WDR7: variants seen among roughly 807,000 people sequenced by gnomAD.
WDR7 encodes WD repeat-containing protein 7.
In WDR7, 46 loss-of-function variants were observed where a neutral mutation model predicts 169.4. The observed-to-expected ratio is 0.27, with a 90% CI of 0.21 to 0.35. The LOEUF is 0.35. Ranked by LOEUF, WDR7 falls within the 10% of genes least tolerant of loss-of-function variation. The pLI, the probability that WDR7 is intolerant of heterozygous loss-of-function variation, is 1.00. For synonymous variants in WDR7, 612 were observed against 666.8 expected (o/e 0.92, Z 1.27); for missense variants, 1,534 against 1,859.3 (o/e 0.83, Z 3.22).
At chr18:57,023,617 T>C (rs927584368) in intron 27 of WDR7, among the ~76,000 whole-genome samples, 1 of 152,258 alleles carries the variant, frequency 6.6e-6, no homozygotes, top group Admixed American at 6.5e-5. Context: ...AAGTTACACT[T>C]GAGTGAATTT....
chr18:56,767,621 T>G (rs1044247920), intron 16 of WDR7, among the ~76,000 whole-genome samples: 2 of 152,230 alleles, frequency 1.3e-5, no homozygotes, highest in African/African-American at 4.8e-5. Context: ...GCAAATCTGT[T>G]TCTTGTTACT....
chr18:56,729,338 T>C (rs1377566345), intron 13 of WDR7, among the ~76,000 whole-genome samples: 3 of 152,164 alleles, frequency 2.0e-5, no homozygotes, highest in Non-Finnish European at 2.9e-5. Flanking sequence ...TTGTAAAAAA[T>C]TGATATGTTA....
intron 23 of WDR7, chr18:56,936,142 T>C (rs572604816): frequency 2.3e-6 from 1 of 442,930 alleles, no homozygotes; most frequent in East Asian, 3.7e-5. Flanking sequence ...TTAATTCACT[T>C]ATAAATATTT....
chr18:56,935,894 A>G lies in WDR7; in HGVS notation c.3820A>G (p.Ile1274Val). 16 of 1,613,702 alleles carry G rather than the reference A, an allele frequency of 9.9e-6. No homozygotes were observed. The highest frequency in any genetic ancestry group is 1.3e-5 in the Non-Finnish European group (15 of 1,179,832). The change falls in exon 23 of 28, where the codon ATA (isoleucine) becomes GTA (valine). Residue 1274 changes from isoleucine (I) to valine (V), a missense_variant. By Grantham distance (29) the Ile-to-Val change is conservative. Transcript: ENST00000254442. ...CAGACCACCCGCCTTCATCACCACC[A>G]TAGCCAAAGAGGTGAGCGGAACTTC... ...TARPPAFITT[I>V]AKEVHRHTAL...
At chr18:57,014,102 G>T (rs1416685338) in intron 26 of WDR7, among the ~76,000 whole-genome samples, 1 of 152,076 alleles carries the variant, frequency 6.6e-6, no homozygotes, top group Non-Finnish European at 1.5e-5. Context: ...GAGGCAGGTG[G>T]ATCACTTGGG....
chr18:56,869,794 A>G (rs946921080), intron 20 of WDR7, among the ~76,000 whole-genome samples: 2 of 152,170 alleles, frequency 1.3e-5, no homozygotes, highest in Non-Finnish European at 1.5e-5. Context: ...ACCATGTACA[A>G]TTTTATTTTT....
chr18:56,992,013 C>T lies in WDR7; in HGVS notation c.4165-28732C>T, dbSNP rs187932656. On this transcript the variant is annotated intron_variant, in intron 26 of 27. Coordinates refer to ENST00000254442, the MANE Select transcript of WDR7 (RefSeq NM_015285.3). ...CATATTAATCAATTAAAATAGAAAA[C>T]GAGTCCTGCTCAGTGTAAAATAACC... Among the ~76,000 whole-genome samples, 92 of 152,246 alleles carry T rather than the reference C, an allele frequency of 6.0e-4. 3 individuals carry two copies. In the South Asian group the frequency reaches 0.012, roughly 20 times the overall value.
At chr18:56,696,784 A>G (rs1436057266) in intron 12 of WDR7, among the ~76,000 whole-genome samples, 2 of 152,206 alleles carry the variant, frequency 1.3e-5, no homozygotes, top group African/African-American at 2.4e-5. Flanking sequence ...TAATTTAAGT[A>G]TGCCTGAAGA....
intron 26 of WDR7, among the ~76,000 whole-genome samples, chr18:57,017,520 T>TGTGTGA (rs2048225553): frequency 7.1e-6 from 1 of 140,916 alleles, no homozygotes; most frequent in South Asian, 2.3e-4. Context: ...TGTGTGTGTG[T>TGTGTGA]GATGTTCTGA....
intron 20 of WDR7, among the ~76,000 whole-genome samples, chr18:56,837,777 C>G (rs1338620406): frequency 6.6e-6 from 1 of 152,136 alleles, no homozygotes; most frequent in Non-Finnish European, 1.5e-5. Flanking sequence ...TCTCCTGCCT[C>G]AGCCTCCCAA....
At chr18:56,907,735 G>C (rs2046498801) in intron 21 of WDR7, among the ~76,000 whole-genome samples, 1 of 152,152 alleles carries the variant, frequency 6.6e-6, no homozygotes, top group Non-Finnish European at 1.5e-5. Context: ...GTGAGGGCCT[G>C]TTCCTCATGG....
At chr18:56,907,278 C>T (rs2046491364) in intron 21 of WDR7, among the ~76,000 whole-genome samples, 1 of 151,842 alleles carries the variant, frequency 6.6e-6, no homozygotes, top group African/African-American at 2.4e-5. Flanking sequence ...AGTGCTTCCT[C>T]AATGCCAGAG....
intron 13 of WDR7, among the ~76,000 whole-genome samples, chr18:56,719,834 G>A (rs906909442): frequency 1.4e-4 from 22 of 152,084 alleles, no homozygotes; most frequent in African/African-American, 4.1e-4. Flanking sequence ...TGTAAAATTA[G>A]GGTAATAATA....
chr18:56,780,818 G>T (rs1348419229), intron 18 of WDR7, among the ~76,000 whole-genome samples: 1 of 152,096 alleles, frequency 6.6e-6, no homozygotes, highest in African/African-American at 2.4e-5. Context: ...TTAATAAATT[G>T]GTACAGCACT....
At chr18:56,895,966 T>C (rs1009425815) in intron 21 of WDR7, among the ~76,000 whole-genome samples, 3 of 151,860 alleles carry the variant, frequency 2.0e-5, no homozygotes, top group Non-Finnish European at 4.4e-5. Context: ...TTTATTTTGT[T>C]TTATTCAATA....
At chr18:56,800,764 A>C (rs868847473) in intron 19 of WDR7, among the ~76,000 whole-genome samples, 1 of 152,192 alleles carries the variant, frequency 6.6e-6, no homozygotes, top group Non-Finnish European at 1.5e-5. Flanking sequence ...ATATGGCCTC[A>C]TCTTTTTTTC....
intron 25 of WDR7, among the ~76,000 whole-genome samples, chr18:56,961,339 T>C (rs2047337258): frequency 6.6e-6 from 1 of 152,064 alleles, no homozygotes; most frequent in East Asian, 1.9e-4. Context: ...ATGTTTTGCC[T>C]CTTCCTCCCC....
intron 25 of WDR7, among the ~76,000 whole-genome samples, chr18:56,954,175 A>G (rs908025466): frequency 6.6e-6 from 1 of 152,262 alleles, no homozygotes; most frequent in African/African-American, 2.4e-5. Flanking sequence ...AATCATTGAC[A>G]TTAAAATTTA....
chr18:56,958,182 T>C (rs188404830), intron 25 of WDR7, among the ~76,000 whole-genome samples: 2 of 152,164 alleles, frequency 1.3e-5, no homozygotes, highest in African/African-American at 4.8e-5. Context: ...CAGAGTAGAC[T>C]CAGTTCATAT....
Sources: gnomAD v4.1 joint callset for allele counts (sites outside exome capture counted in the v4.1 genomes callset) on GRCh38, gnomAD v4.1.1 for gene constraint, MANE v1.5 for transcripts, NCBI Gene and HGNC (gene_info 2026-07-23, HGNC 2026-07-21) for gene names.